Variants in ITGB1 observed in about 807,000 individuals in gnomAD.
ITGB1 encodes the protein integrin subunit beta 1, also known as integrin beta-1.
Under a neutral mutation model 86.5 loss-of-function variants are expected in ITGB1, and 24 were observed. The observed-to-expected ratio is 0.28, with a 90% CI of 0.20 to 0.39. The LOEUF is 0.39. ITGB1 is among the 10% of genes least tolerant of loss of function. The pLI, the probability that ITGB1 is intolerant of heterozygous loss-of-function variation, is 1.00. For missense variants in ITGB1, 556 were observed against 946.9 expected (o/e 0.59, Z 5.42); for synonymous variants, 323 against 316.8 (o/e 1.02, Z -0.21).
chr10:32,911,665 C>T lies in ITGB1; in HGVS notation c.1714G>A (p.Gly572Ser). The T allele has an allele frequency of 6.2e-7, 1 of 1,613,858 alleles. No individual in the cohort carries two copies. The highest frequency in any genetic ancestry group is 8.5e-7 in the Non-Finnish European group (1 of 1,179,760). The change falls in exon 13 of 16, where the codon GGT (glycine) becomes AGT (serine). Residue 572 changes from glycine to serine, a missense_variant. Around this residue, in one of 4 missense-constraint regions of ITGB1, gnomAD observed 330 missense variants for 531.5 expected, o/e 0.62. Coordinates refer to ENST00000302278, the MANE Select transcript of ITGB1 (RefSeq NM_002211.4). ...RSNGLICGGN[G>S]VCKCRVCECN... ...TCACACACACGACACTTGCAAACAC[C>T]ATTTCCTGCAATTAAGCATATCATT... is the stretch of plus-strand genomic sequence containing the variant.
chr10:32,907,256 A>G (rs1418989731), intron 15 of ITGB1: 2 of 323,850 alleles, frequency 6.2e-6, no homozygotes, highest in Non-Finnish European at 1.2e-5. Flanking sequence ...GAAATTTGTA[A>G]TTTAAAAAAT....
At chr10:32,943,536 A>G (rs1275786646) in intron 1 of ITGB1, among the ~76,000 whole-genome samples, 1 of 152,156 alleles carries the variant, frequency 6.6e-6, no homozygotes, top group Non-Finnish European at 1.5e-5. Context: ...ACAAGAGGAA[A>G]AAGTCAAAAG....
intron 2 of ITGB1, 143 bp downstream of exon 2, chr10:32,935,349 T>A: frequency 1.7e-6 from 1 of 586,804 alleles, no homozygotes; most frequent in Non-Finnish European, 3.1e-6. Flanking sequence ...AACTTGACCT[T>A]TCTCTGAGTA....
intron 7 of ITGB1, 81 bp downstream of exon 7, chr10:32,923,504 G>A: frequency 2.4e-6 from 3 of 1,270,460 alleles, no homozygotes; most frequent in East Asian, 5.0e-5. Context: ...GAAACCCCAA[G>A]CCAGTCACCC....
chr10:32,917,779 A>G (rs1455211508), intron 11 of ITGB1, among the ~76,000 whole-genome samples: 1 of 152,224 alleles, frequency 6.6e-6, no homozygotes, highest in Non-Finnish European at 1.5e-5. Context: ...TGTGGAAGAC[A>G]GTGTAGCGAT....
intron 5 of ITGB1, among the ~76,000 whole-genome samples, chr10:32,927,134 G>A (rs900482726): frequency 6.6e-6 from 1 of 152,104 alleles, no homozygotes; most frequent in Admixed American, 6.5e-5. Context: ...TAATTTGATA[G>A]GAGCTCCCTA....
chr10:32,928,360 A>G, intron 4 of ITGB1, 96 bp from the exon 5 acceptor site: 1 of 607,296 alleles, frequency 1.6e-6, no homozygotes, highest in South Asian at 2.5e-5. Context: ...GGTAAACACA[A>G]TAAAATAAAA....
At chr10:32,913,897 T>C (rs2094922513) in intron 11 of ITGB1, among the ~76,000 whole-genome samples, 1 of 152,030 alleles carries the variant, frequency 6.6e-6, no homozygotes, top group East Asian at 1.9e-4. Flanking sequence ...AAGGAAAAAA[T>C]GTTAAGGGCA....
rs544027674 is a variant in ITGB1, at chr10:32,930,351, T to C, written c.154-307A>G. ...CTTTAGTGAAATCACTAATTGAGCA[T>C]GGTTAATGGCTACTAATAATGTATA... On this transcript the variant is annotated intron_variant, in intron 3 of 15. Transcript: ENST00000302278. Among the ~76,000 whole-genome samples, 14 of 152,292 alleles carry C rather than the reference T, an allele frequency of 9.2e-5. No individual in the cohort carries two copies. The South Asian group carries it at 2.7e-3, about 29-fold the overall frequency.
intron 11 of ITGB1, among the ~76,000 whole-genome samples, chr10:32,918,187 C>T (rs2094937932): frequency 6.6e-6 from 1 of 151,934 alleles, no homozygotes; most frequent in African/African-American, 2.4e-5. Flanking sequence ...CACACTGGGG[C>T]CTGTCATAAG....
chr10:32,957,591 C>T (rs908182101), intron 1 of ITGB1, among the ~76,000 whole-genome samples: 2 of 151,980 alleles, frequency 1.3e-5, no homozygotes, highest in African/African-American at 4.8e-5. Flanking sequence ...CCAGGGCCGC[C>T]TCCTGGCAGC....
intron 2 of ITGB1, 163 bp from the exon 3 acceptor site, chr10:32,932,763 A>T (rs958208791): frequency 2.4e-5 from 13 of 533,502 alleles, no homozygotes; most frequent in Non-Finnish European, 4.0e-5. Flanking sequence ...AGGATTTTTT[A>T]ATTTAATTTT....
At position 32,905,717 on chromosome 10, in the gene ITGB1, A is replaced by G. The variant is rs186876411; in HGVS notation, c.2331+2651T>C. On this transcript the variant is annotated intron_variant, in intron 15 of 15. Transcript: ENST00000302278. ...GTAAAACATTCCTACAACTTTCACTATGAAGATTAAACACAGATTAAGTGG... is the reference window on the plus strand; with the variant it reads ...GTAAAACATTCCTACAACTTTCACTGTGAAGATTAAACACAGATTAAGTGG... Among the ~76,000 whole-genome samples the G allele has an allele frequency of 1.4e-4, 22 of 152,300 alleles. No homozygotes were observed. The East Asian group carries it at 4.2e-3, about 29-fold the overall frequency.
At chr10:32,911,759 A>G in intron 12 of ITGB1, 89 bp from the exon 13 acceptor site, 1 of 1,471,554 alleles carries the variant, frequency 6.8e-7, no homozygotes, top group Non-Finnish European at 9.5e-7. Flanking sequence ...ACATGTGAGA[A>G]AGTATACCTA....
In ITGB1 at chr10:32,923,177, C is replaced by T. The variant is rs570058573; in HGVS notation, c.942+408G>A. Among the ~76,000 whole-genome samples the T allele has an allele frequency of 2.2e-4, 34 of 152,244 alleles. No individual in the cohort carries two copies. In the South Asian group the frequency reaches 4.4e-3, roughly 20 times the overall value. ...TTTACCATTTGGATTTCTTCTAGAACTTGAATGCTTTGCCAATATTTATTT... is the reference window on the plus strand; with the variant it reads ...TTTACCATTTGGATTTCTTCTAGAATTTGAATGCTTTGCCAATATTTATTT... On this transcript the variant is annotated intron_variant, in intron 7 of 15. Coordinates refer to ENST00000302278, the MANE Select transcript of ITGB1 (RefSeq NM_002211.4).
chr10:32,956,533 T>C (rs2095052622), intron 1 of ITGB1, among the ~76,000 whole-genome samples: 1 of 151,628 alleles, frequency 6.6e-6, no homozygotes, highest in Admixed American at 6.6e-5. Flanking sequence ...CATAGTGAAA[T>C]CCTGTCTCTA....
chr10:32,922,212 C>T (rs2137204064), intron 9 of ITGB1, 45 bp downstream of exon 9: 1 of 1,186,934 alleles, frequency 8.4e-7, no homozygotes, highest in South Asian at 1.4e-5. Context: ...AAAGTATTCT[C>T]AACAGGGTAT....
At chr10:32,919,821 T>C (rs2094943117) in intron 11 of ITGB1, 64 bp downstream of exon 11, 2 of 1,428,098 alleles carry the variant, frequency 1.4e-6, no homozygotes, top group Admixed American at 1.7e-5. Context: ...TGTCCCAAAA[T>C]ATGACCTGCC....
At chr10:32,937,605 A>G (rs1464412150) in intron 1 of ITGB1, among the ~76,000 whole-genome samples, 3 of 151,910 alleles carry the variant, frequency 2.0e-5, no homozygotes, top group African/African-American at 7.2e-5. Context: ...TTGGATGTAA[A>G]GTACACAATG....
Sources: gnomAD v4.1 joint callset for allele counts (sites outside exome capture counted in the v4.1 genomes callset) on GRCh38, gnomAD v4.1.1 for gene constraint, gnomAD v4.1.1 regional missense constraint, MANE v1.5 for transcripts, NCBI Gene and HGNC (gene_info 2026-07-23, HGNC 2026-07-21) for gene names.